KDM4B: variants seen among roughly 807,000 people sequenced by gnomAD.
KDM4B encodes lysine demethylase 4B.
A neutral mutation model predicts 125.2 loss-of-function variants in KDM4B; 32 were observed. That is an observed-to-expected ratio of 0.26 (90% CI 0.19 to 0.34). The LOEUF is 0.34. Among genes scored for constraint, KDM4B ranks in the 10% least tolerant of loss-of-function variants. The pLI is 1.00. For missense variants in KDM4B, 1,190 were observed against 1,577.7 expected, an observed-to-expected ratio of 0.75 and a Z score of 4.16; for synonymous variants, 721 against 677.9, an observed-to-expected ratio of 1.06 and a Z score of -0.99.
intron 2 of KDM4B, among the ~76,000 whole-genome samples, chr19:5,022,429 C>T (rs779554663): frequency 5.3e-5 from 8 of 152,112 alleles, no homozygotes; most frequent in Non-Finnish European, 1.0e-4. Context: ...TGAGGCTGGT[C>T]CGTCTGCTTG....
intron 1 of KDM4B, among the ~76,000 whole-genome samples, chr19:4,993,176 G>A (rs56029290): frequency 3.9e-5 from 6 of 152,146 alleles, no homozygotes; most frequent in Non-Finnish European, 5.9e-5. Context: ...TTGGGAGGCC[G>A]AGGTGAGTGG....
rs1222066112 is a variant in KDM4B at position 4,971,038 on chromosome 19, G to A, written c.-109+1808G>A. Among the ~76,000 whole-genome samples the A allele has an allele frequency of 6.6e-6, 1 of 152,170 alleles. No individual in the cohort carries two copies. The highest frequency in any genetic ancestry group is 2.4e-5 in the African/African-American group (1 of 41,430). On this transcript the variant is annotated intron_variant, in intron 1 of 22. Transcript: ENST00000159111. The surrounding 1 kb of genome is among the most constrained non-coding windows in gnomAD (Gnocchi z 4.1). The stretch of plus-strand genomic sequence containing the variant: ...GGGTGTCTGTGTACAGGCTGTTTTG[G>A]TGGAAGCGTCTACTGTGTCAGGAGC...
At chr19:5,093,870 A>G (rs756444578) in intron 9 of KDM4B, among the ~76,000 whole-genome samples, 3 of 152,346 alleles carry the variant, frequency 2.0e-5, no homozygotes, top group South Asian at 2.1e-4. Context: ...TTCTGCTCCT[A>G]GAGAGGGTGC....
At chr19:4,976,029 C>T (rs2034432721) in intron 1 of KDM4B, among the ~76,000 whole-genome samples, 1 of 151,454 alleles carries the variant, frequency 6.6e-6, no homozygotes, top group East Asian at 2.0e-4. Flanking sequence ...GCGGGTGGAT[C>T]ACCTGAGGTC....
rs564760374 is a variant in KDM4B at position 5,068,593 on chromosome 19, C to T, written c.627-2417C>T. ...TTCCGCCTGTGTCCTTGGGGGTGGC[C>T]GGGAGGCAGGTCTGCCAGCATCAGG... On this transcript the variant is annotated intron_variant, in intron 6 of 22. Coordinates refer to ENST00000159111, the MANE Select transcript of KDM4B (RefSeq NM_015015.3). Among the ~76,000 whole-genome samples, 14 of 152,318 alleles carry T rather than the reference C, an allele frequency of 9.2e-5. No individual in the cohort carries two copies. The South Asian group carries it at 2.5e-3, about 27-fold the overall frequency.
chr19:5,014,887 C>T (rs1020876263), intron 1 of KDM4B, among the ~76,000 whole-genome samples: 28 of 151,364 alleles, frequency 1.8e-4, no homozygotes, highest in East Asian at 3.9e-4. Context: ...CCCAGCTATT[C>T]GGGAGGCTGA....
chr19:5,151,807 T>C lies in KDM4B; in HGVS notation c.*296T>C. ...AAAAGGTGCTACTGCAATGCCCTAC[T>C]GAGCAACCTTTGAGATTGTCACTTC... is the stretch of plus-strand genomic sequence containing the variant. On this transcript the variant is annotated 3_prime_UTR_variant, in exon 23 of 23. Coordinates refer to ENST00000159111, the MANE Select transcript of KDM4B (RefSeq NM_015015.3). The C allele has an allele frequency of 3.0e-6, 1 of 330,574 alleles. No individual in the cohort carries two copies. The highest frequency in any genetic ancestry group is 5.5e-6 in the Non-Finnish European group (1 of 182,736). The allele number at this position is 330,574 out of a possible 1,614,324, so 20.5% of individuals were successfully genotyped here. A position where few individuals can be genotyped will look rare whatever the true frequency, so the allele number is the denominator to read the frequency against.
intron 18 of KDM4B, among the ~76,000 whole-genome samples, chr19:5,139,929 G>T (rs2039712230): frequency 6.6e-6 from 1 of 152,248 alleles, no homozygotes; most frequent in Non-Finnish European, 1.5e-5. Flanking sequence ...CCCCTTTGGG[G>T]AACCCCTTGG....
chr19:4,976,565 A>G (rs2034452731), intron 1 of KDM4B, among the ~76,000 whole-genome samples: 1 of 152,224 alleles, frequency 6.6e-6, no homozygotes, highest in Admixed American at 6.5e-5. Context: ...AGCATTGCAC[A>G]ATTTCACAAG....
At chr19:5,070,118 G>A (rs2145818601) in intron 6 of KDM4B, among the ~76,000 whole-genome samples, 1 of 152,278 alleles carries the variant, frequency 6.6e-6, no homozygotes, top group Admixed American at 6.5e-5. Flanking sequence ...TCGAGGATGG[G>A]ACTTGACCAT....
chr19:5,139,907 G>T (rs965291380), intron 18 of KDM4B, among the ~76,000 whole-genome samples: 1 of 152,260 alleles, frequency 6.6e-6, no homozygotes, highest in African/African-American at 2.4e-5. Flanking sequence ...CCTGCTCTCA[G>T]CAATGATGGC....
intron 9 of KDM4B, among the ~76,000 whole-genome samples, chr19:5,088,997 C>T (rs117579070): frequency 0.013 from 1,914 of 152,168 alleles, 24 homozygotes; most frequent in Non-Finnish European, 0.02. Context: ...ATGAAATGTC[C>T]GGGACAAGCC....
chr19:5,012,638 G>A (rs896999910), intron 1 of KDM4B, among the ~76,000 whole-genome samples: 2 of 152,192 alleles, frequency 1.3e-5, no homozygotes, highest in South Asian at 2.1e-4. Flanking sequence ...GGCGCCCCTC[G>A]ATTGGGGTGT....
intron 13 of KDM4B, 115 bp from the exon 14 acceptor site, chr19:5,133,768 T>C: frequency 9.4e-7 from 1 of 1,067,140 alleles, no homozygotes; most frequent in Non-Finnish European, 1.4e-6. Flanking sequence ...CCAGGGACCC[T>C]GTGGGCAGCC....
intron 1 of KDM4B, among the ~76,000 whole-genome samples, chr19:4,979,307 C>T (rs1416724132): frequency 1.3e-5 from 2 of 152,158 alleles, no homozygotes; most frequent in South Asian, 4.1e-4. Context: ...AAACCAAGCC[C>T]AGGGAAGCAC....
rs74827418 is a variant in KDM4B at position 5,090,827 on chromosome 19, C to T, written c.918+8323C>T. Among the ~76,000 whole-genome samples, 779 of 151,450 alleles carry T rather than the reference C, an allele frequency of 5.1e-3. 1 individual carries two copies. The highest frequency in any genetic ancestry group is 8.5e-3 in the Non-Finnish European group (578 of 67,846). On this transcript the variant is annotated intron_variant, in intron 9 of 22. Coordinates refer to ENST00000159111, the MANE Select transcript of KDM4B (RefSeq NM_015015.3). ...CCTTGCCCCACTTGGAGGCACAGGC[C>T]GATGGGGCATCTGGGAGCCCACACC...
chr19:5,144,337 C>G lies in KDM4B; in HGVS notation c.2826C>G (p.Ala942=). ...ACTACCGCTGTCGCGTCATCGGTGC[C>G]GCCTCGCAGACCTGCTACGAAGTGA... is the stretch of plus-strand genomic sequence containing the variant. The part of the protein sequence containing the change: ...GLYYRCRVIG[A]ASQTCYEVNF... Residue 942 remains alanine, a synonymous_variant, in exon 20 of 23, where the codon GCC becomes GCG. Coordinates refer to ENST00000159111, the MANE Select transcript of KDM4B (RefSeq NM_015015.3). The G allele has an allele frequency of 2.0e-6, 3 of 1,507,812 alleles. No homozygotes were observed. The highest frequency in any genetic ancestry group is 2.7e-6 in the Non-Finnish European group (3 of 1,122,846). The allele number at this position is 1,507,812 out of a possible 1,614,324, so 93.4% of individuals were successfully genotyped here.
intron 11 of KDM4B, among the ~76,000 whole-genome samples, chr19:5,130,165 A>G (rs1385801115): frequency 1.3e-5 from 2 of 152,016 alleles, no homozygotes; most frequent in East Asian, 1.9e-4. Context: ...TTGTGAGGAC[A>G]TCGGGCCTCT....
chr19:5,002,990 C>T (rs2035439626), intron 1 of KDM4B, among the ~76,000 whole-genome samples: 1 of 152,148 alleles, frequency 6.6e-6, no homozygotes. Context: ...TTCTTTGCCT[C>T]TTGATTAGAG....
Sources: gnomAD v4.1 joint callset for allele counts (sites outside exome capture counted in the v4.1 genomes callset) on GRCh38, gnomAD v4.1.1 for gene constraint, Gnocchi (gnomAD v3.1) non-coding constraint, MANE v1.5 for transcripts, NCBI Gene and HGNC (gene_info 2026-07-23, HGNC 2026-07-21) for gene names.